NDE1: variants seen among roughly 807,000 people sequenced by gnomAD.
NDE1 encodes the protein nudE neurodevelopment protein 1.
NDE1 carries 28 observed loss-of-function variants against 43.4 expected under a neutral mutation model. That is an observed-to-expected ratio of 0.65 (90% CI 0.48 to 0.89). The LOEUF (loss-of-function observed/expected upper bound fraction) is 0.89, where lower values mean the gene tolerates loss of function less well. NDE1 is among the 40% of genes least tolerant of loss of function. The pLI, the probability that NDE1 is intolerant of heterozygous loss-of-function variation, is 0.00. For synonymous variants in NDE1, 184 were observed against 172.0 expected (o/e 1.07, Z -0.55); for missense variants, 441 against 434.1 (o/e 1.02, Z -0.14).
chr16:15,667,454 G>A lies in NDE1; in HGVS notation c.237+15G>A, dbSNP rs2037363692. On this transcript the variant is annotated intron_variant, in intron 3 of 8. Coordinates refer to ENST00000396354, the MANE Select transcript of NDE1 (RefSeq NM_017668.3). ...AAACCATCAAGGTGAGGGGCTGAGA[G>A]GAAGTGTGCTCAGGTGTAGACAGGC... 5 of 1,613,316 alleles carry A rather than the reference G, an allele frequency of 3.1e-6. No individual in the cohort carries two copies. The highest frequency in any genetic ancestry group is 3.4e-4 in the Middle Eastern group (2 of 5,888).
rs1439696088 is a variant in NDE1 at position 15,687,060 on chromosome 16, G to T, written c.387-315G>T. 8.7e-5 allele frequency: 107 copies of T among 1,233,058 alleles called. 1 individual carries two copies. The highest frequency in any genetic ancestry group is 1.1e-4 in the Non-Finnish European group (106 of 970,644). 76.4% of individuals were successfully genotyped at this position (1,233,058 alleles called of 1,614,324 possible). On this transcript the variant is annotated intron_variant, in intron 4 of 8. Coordinates refer to ENST00000396354, the MANE Select transcript of NDE1 (RefSeq NM_017668.3). Reference sequence around the variant, plus strand: ...TTGCAAGAGAAGATGGAGCATAGTGGTCTTCTCAAACCACCAAATGCCACA... The same window carrying T: ...TTGCAAGAGAAGATGGAGCATAGTGTTCTTCTCAAACCACCAAATGCCACA...
intron 4 of NDE1, among the ~76,000 whole-genome samples, chr16:15,679,729 G>A (rs2151076635): frequency 6.6e-6 from 1 of 152,276 alleles, no homozygotes; most frequent in Non-Finnish European, 1.5e-5. Context: ...ATTGTAGGCA[G>A]TGTGAGTGGT....
chr16:15,681,521 A>G (rs923515633), intron 4 of NDE1, among the ~76,000 whole-genome samples: 2 of 151,950 alleles, frequency 1.3e-5, no homozygotes, highest in Non-Finnish European at 2.9e-5. Context: ...TTGGCCTCCC[A>G]AAGTGCTGGG....
intron 3 of NDE1, among the ~76,000 whole-genome samples, chr16:15,669,603 A>G (rs1048627019): frequency 2.0e-5 from 3 of 148,576 alleles, no homozygotes; most frequent in African/African-American, 5.0e-5. Context: ...AGTGTGATCT[A>G]CCCGCCTTAG....
intron 7 of NDE1, chr16:15,694,645 G>T: frequency 1.0e-6 from 1 of 985,298 alleles, no homozygotes; most frequent in Non-Finnish European, 1.2e-6. Context: ...AATGCGTCCA[G>T]CCCCTTTCAT....
At chr16:15,654,622 A>AC (rs199728074) in intron 1 of NDE1, among the ~76,000 whole-genome samples, 1,911 of 149,508 alleles carry the variant, frequency 0.013, 47 homozygotes, top group African/African-American at 0.045. Context: ...AAAAACAAAA[A>AC]AAAAAAAAAC....
At chr16:15,643,592 G>C in exon 1 of NDE1, 1 of 302,032 alleles carries the variant, frequency 3.3e-6, no homozygotes, top group South Asian at 2.6e-5. Flanking sequence ...CCTCTCTCGG[G>C]TCTCGTCACG....
At chr16:15,680,697 G>A (rs1279496667) in intron 4 of NDE1, among the ~76,000 whole-genome samples, 6 of 151,916 alleles carry the variant, frequency 3.9e-5, no homozygotes, top group South Asian at 2.1e-4. Flanking sequence ...CCCCCACCAC[G>A]CCTGGCTAAT....
chr16:15,691,423 C>T (rs911335386), intron 6 of NDE1, 100 bp downstream of exon 6: 18 of 1,361,822 alleles, frequency 1.3e-5, no homozygotes, highest in Middle Eastern at 3.8e-4. Flanking sequence ...GCATCAGGCT[C>T]AGAGCCTGAT....
At chr16:15,692,277 T>C (rs939478913) in intron 6 of NDE1, among the ~76,000 whole-genome samples, 4 of 152,216 alleles carry the variant, frequency 2.6e-5, no homozygotes, top group African/African-American at 4.8e-5. Context: ...AGCAATTGAA[T>C]GGCAGATGGT....
At chr16:15,653,266 G>A (rs1169202964) in intron 1 of NDE1, among the ~76,000 whole-genome samples, 1 of 152,144 alleles carries the variant, frequency 6.6e-6, no homozygotes, top group African/African-American at 2.4e-5. Flanking sequence ...GTGAATGATG[G>A]TGTGCATCTT....
intron 8 of NDE1, chr16:15,697,137 A>G (rs970005309): frequency 2.3e-6 from 2 of 874,044 alleles, no homozygotes; most frequent in Non-Finnish European, 1.4e-6. Context: ...TCTGCCTCCC[A>G]GCTCAAACGA....
intron 8 of NDE1, chr16:15,721,663 T>C (rs1026063958): frequency 1.2e-6 from 2 of 1,611,388 alleles, no homozygotes; most frequent in African/African-American, 1.3e-5. Flanking sequence ...AGGTGACTTC[T>C]AGGCATATCC....
At chr16:15,652,936 G>A (rs1021712411) in intron 1 of NDE1, among the ~76,000 whole-genome samples, 9 of 152,088 alleles carry the variant, frequency 5.9e-5, no homozygotes, top group South Asian at 2.1e-4. Flanking sequence ...AACGTGCCGG[G>A]GTGGGAGAGA....
chr16:15,693,757 T>G (rs1273810702), intron 6 of NDE1, among the ~76,000 whole-genome samples: 1 of 152,048 alleles, frequency 6.6e-6, no homozygotes, highest in Non-Finnish European at 1.5e-5. Context: ...CTGGACAACG[T>G]GATGGAACTC....
chr16:15,673,788 G>A (rs1336071535), intron 3 of NDE1, among the ~76,000 whole-genome samples: 1 of 152,152 alleles, frequency 6.6e-6, no homozygotes, highest in Non-Finnish European at 1.5e-5. Flanking sequence ...GCGGCATGAG[G>A]CACCGCACCT....
At chr16:15,659,183 A>AT (rs2036918701) in intron 1 of NDE1, among the ~76,000 whole-genome samples, 1 of 152,134 alleles carries the variant, frequency 6.6e-6, no homozygotes, top group South Asian at 2.1e-4. Context: ...TTCTGCATGA[A>AT]TTAGGCCCAC....
intron 8 of NDE1, among the ~76,000 whole-genome samples, chr16:15,723,562 G>A (rs528952517): frequency 1.3e-4 from 20 of 152,252 alleles, no homozygotes; most frequent in Admixed American, 5.2e-4. Flanking sequence ...CAGGAGAATC[G>A]CTTGAACCCA....
intron 3 of NDE1, among the ~76,000 whole-genome samples, chr16:15,677,596 A>G (rs1245341999): frequency 6.6e-6 from 1 of 151,646 alleles, no homozygotes; most frequent in Non-Finnish European, 1.5e-5. Context: ...AAAAGAAAAA[A>G]AAAAAAACAC....
Sources: gnomAD v4.1 joint callset for allele counts (sites outside exome capture counted in the v4.1 genomes callset) on GRCh38, gnomAD v4.1.1 for gene constraint, MANE v1.5 for transcripts, NCBI Gene and HGNC (gene_info 2026-07-23, HGNC 2026-07-21) for gene names.